Variants in DPP6 observed in about 807,000 individuals in gnomAD.
The protein encoded by DPP6 is dipeptidyl peptidase like 6, also known as A-type potassium channel modulatory protein DPP6.
In DPP6, 69 loss-of-function variants were observed where a neutral mutation model predicts 122.6. That is an observed-to-expected ratio of 0.56 (90% CI 0.46 to 0.69). DPP6 has a LOEUF of 0.69. DPP6 is among the 30% of genes least tolerant of loss of function. The pLI, the probability that DPP6 is intolerant of heterozygous loss-of-function variation, is 0.00. For missense variants in DPP6, 928 were observed against 1,116.9 expected, an observed-to-expected ratio of 0.83 and a Z score of 2.41; for synonymous variants, 418 against 433.1, an observed-to-expected ratio of 0.97 and a Z score of 0.43.
At chr7:153,810,768 A>G in the DPP6 span, among the ~76,000 whole-genome samples, 5 of 150,220 alleles carry the variant, frequency 3.3e-5, no homozygotes, top group Middle Eastern at 3.5e-3. Flanking sequence ...TCTTGCTAAG[A>G]TACTCAAGTC....
At chr7:153,816,622 G>A in the DPP6 span, among the ~76,000 whole-genome samples, 1 of 152,192 alleles carries the variant, frequency 6.6e-6, no homozygotes, top group Admixed American at 6.5e-5. Flanking sequence ...ATATGACACT[G>A]AAAAGCAAAG....
At chr7:154,444,127 A>C (rs1819647361) in intron 1 of DPP6, among the ~76,000 whole-genome samples, 1 of 152,218 alleles carries the variant, frequency 6.6e-6, no homozygotes, top group East Asian at 1.9e-4. Flanking sequence ...CCATTTAAAA[A>C]TTAAATGTGC....
chr7:154,538,330 T>C (rs1377195033), intron 3 of DPP6, among the ~76,000 whole-genome samples: 1 of 152,122 alleles, frequency 6.6e-6, no homozygotes. Context: ...GCTGCACCTA[T>C]CAACCCATCA....
chr7:154,262,185 A>T (rs1339303349), intron 1 of DPP6, among the ~76,000 whole-genome samples: 1 of 152,140 alleles, frequency 6.6e-6, no homozygotes. Flanking sequence ...GTAGATGGAG[A>T]TCTAATTTAC....
intron 1 of DPP6, among the ~76,000 whole-genome samples, chr7:154,274,465 C>T (rs75022926): frequency 2.0e-5 from 3 of 152,238 alleles, no homozygotes; most frequent in Non-Finnish European, 2.9e-5. Flanking sequence ...TCCATACACC[C>T]GCCCCTGCCT....
chr7:154,172,697 G>C (rs889114810), intron 1 of DPP6, among the ~76,000 whole-genome samples: 6 of 150,300 alleles, frequency 4.0e-5, no homozygotes, highest in African/African-American at 1.5e-4. Context: ...GCCTCCTGGG[G>C]GCAAGTGATC....
At chr7:154,581,848 G>A (rs1019792158) in intron 5 of DPP6, among the ~76,000 whole-genome samples, 2 of 152,138 alleles carry the variant, frequency 1.3e-5, no homozygotes, top group African/African-American at 2.4e-5. Flanking sequence ...GGAATGTCCC[G>A]GGGTTACCGA....
At chr7:154,312,762 A>T (rs149544284) in intron 1 of DPP6, among the ~76,000 whole-genome samples, 73 of 152,310 alleles carry the variant, frequency 4.8e-4, no homozygotes, top group African/African-American at 1.6e-3. Flanking sequence ...CTTGGAGACA[A>T]TGGTAATTCA....
intron 7 of DPP6, among the ~76,000 whole-genome samples, chr7:154,701,559 T>C (rs1383186159): frequency 1.3e-5 from 2 of 152,186 alleles, no homozygotes; most frequent in Non-Finnish European, 2.9e-5. Context: ...CTGAGTGCAC[T>C]GTGAATTAGC....
the DPP6 span, among the ~76,000 whole-genome samples, chr7:153,845,589 T>C: frequency 1.3e-5 from 2 of 152,038 alleles, no homozygotes; most frequent in Non-Finnish European, 2.9e-5. Context: ...ATGACTGTAA[T>C]TACTGATACA....
At chr7:154,330,082 G>A (rs1009297586) in intron 1 of DPP6, among the ~76,000 whole-genome samples, 3 of 152,206 alleles carry the variant, frequency 2.0e-5, no homozygotes, top group South Asian at 2.1e-4. Context: ...CCTAATGCAT[G>A]CAGGGCTTAA....
chr7:154,135,503 G>A (rs1190088963), intron 1 of DPP6, among the ~76,000 whole-genome samples: 1 of 151,972 alleles, frequency 6.6e-6, no homozygotes, highest in Admixed American at 6.5e-5. Flanking sequence ...TGCACTTCCT[G>A]TGAGCATACA....
At chr7:154,727,086 T>C (rs1204814748) in intron 7 of DPP6, among the ~76,000 whole-genome samples, 1 of 152,254 alleles carries the variant, frequency 6.6e-6, no homozygotes, top group Non-Finnish European at 1.5e-5. Context: ...TTTGTAAGAA[T>C]GGCCCCTTCT....
chr7:154,338,803 G>A (rs377219410), intron 1 of DPP6, among the ~76,000 whole-genome samples: 28 of 152,252 alleles, frequency 1.8e-4, no homozygotes, highest in African/African-American at 6.5e-4. Flanking sequence ...CAGTCATTTA[G>A]CACCTCTCTT....
At chr7:153,951,842 A>G (rs1217925802) in intron 1 of DPP6, among the ~76,000 whole-genome samples, 1 of 152,110 alleles carries the variant, frequency 6.6e-6, no homozygotes, top group Non-Finnish European at 1.5e-5. Context: ...CAGGAGTTCA[A>G]TACCAGCCTG....
At chr7:154,462,317 T>A (rs1821368606) in intron 2 of DPP6, among the ~76,000 whole-genome samples, 1 of 152,226 alleles carries the variant, frequency 6.6e-6, no homozygotes, top group Non-Finnish European at 1.5e-5. Context: ...TTTGTTCATT[T>A]TACTTAGAAT....
chr7:154,750,958 G>A (rs890433071), intron 8 of DPP6, among the ~76,000 whole-genome samples: 1 of 152,196 alleles, frequency 6.6e-6, no homozygotes. Context: ...AAGAGAGCAC[G>A]TAGATTTCAG....
At chr7:154,726,745 T>A (rs1842084439) in intron 7 of DPP6, among the ~76,000 whole-genome samples, 1 of 152,242 alleles carries the variant, frequency 6.6e-6, no homozygotes, top group Admixed American at 6.5e-5. Flanking sequence ...AGTTTTTCTC[T>A]TCTACCACAT....
the DPP6 span, among the ~76,000 whole-genome samples, chr7:153,750,255 C>T: frequency 6.6e-6 from 1 of 152,140 alleles, no homozygotes; most frequent in Non-Finnish European, 1.5e-5. Flanking sequence ...ATATTTGAAT[C>T]AGCAAGTCAT....
Sources: allele counts gnomAD v4.1 joint callset (sites outside exome capture counted in the v4.1 genomes callset), GRCh38; gene constraint gnomAD v4.1.1; transcripts MANE v1.5; gene names NCBI Gene and HGNC (gene_info 2026-07-23, HGNC 2026-07-21).